Variants in ZNF519 observed in about 807,000 individuals in gnomAD.
ZNF519 encodes the protein zinc finger protein 519.
In ZNF519, 7 loss-of-function variants were observed where a neutral mutation model predicts 7.4. The observed-to-expected ratio is 0.94, with a 90% CI of 0.54 to 1.77. ZNF519 has a LOEUF of 1.77. Ranked by LOEUF, ZNF519 falls within the 40% of genes most tolerant of loss-of-function variation. The probability of loss-of-function intolerance (pLI) is 0.00; values close to 1 mark genes in which losing one functional copy is unlikely to be tolerated. For missense variants in ZNF519, 586 were observed against 623.1 expected, an observed-to-expected ratio of 0.94 and a Z score of 0.63; for synonymous variants, 179 against 203.3, an observed-to-expected ratio of 0.88 and a Z score of 1.02.
intron 2 of ZNF519, among the ~76,000 whole-genome samples, chr18:14,116,582 T>A (rs762437467): frequency 2.0e-5 from 3 of 152,238 alleles, no homozygotes; most frequent in Non-Finnish European, 4.4e-5. Flanking sequence ...CTTCAATAAA[T>A]GGTGTTGGAA....
rs758885474 is a variant in ZNF519, at chr18:14,105,201, G to A, written c.1339C>T (p.Leu447Phe). ...CGKAFNRGSH[L>F]TRHQRIHTGE... ...GTATGGATTCTTTGATGTCGAGTAA[G>A]GTGTGAGCCCCTGTTAAAGGCTTTG... is the stretch of plus-strand genomic sequence containing the variant. The change falls in exon 3 of 3, where the codon CTT becomes TTT. Residue 447 changes from leucine to phenylalanine, a missense_variant. Leu to Phe is a conservative substitution (Grantham distance 22). Coordinates refer to ENST00000590202, the MANE Select transcript of ZNF519 (RefSeq NM_145287.4). The A allele has an allele frequency of 3.2e-6, 5 of 1,571,638 alleles. No homozygotes were observed. The Admixed American group carries it at 8.5e-5, about 27-fold the overall frequency.
At position 14,105,363 on chromosome 18, in the gene ZNF519, G is replaced by C. The variant is rs372308496; in HGVS notation, c.1177C>G (p.Gln393Glu). ...KAFNRSSYVT[Q>E]HQRMHTGEKP... ...TCTCCAGTATGCATTCTCTGATGCT[G>C]AGTAACGTATGAGCTTCTATTAAAG... The change falls in exon 3 of 3, where the codon CAG (glutamine) becomes GAG (glutamate). Residue 393 changes from glutamine to glutamate, a missense_variant. Physicochemically the swap from Gln to Glu is conservative, Grantham distance 29. Coordinates refer to ENST00000590202, the MANE Select transcript of ZNF519 (RefSeq NM_145287.4). 4.7e-5 allele frequency: 76 copies of C among 1,613,878 alleles called. No homozygotes were observed. Among genetic ancestry groups the C allele is most frequent in the Non-Finnish European group, 6.2e-5 (73 of 1,179,996 alleles).
At position 14,121,072 on chromosome 18, in the gene ZNF519, A is replaced by T. The variant is rs189493092; in HGVS notation, c.130+3278T>A. On this transcript the variant is annotated intron_variant, in intron 2 of 2. Coordinates refer to ENST00000590202, the MANE Select transcript of ZNF519 (RefSeq NM_145287.4). The stretch of plus-strand genomic sequence containing the variant: ...TGGAGGACATTATGCTAAATGAAAT[A>T]AGGCAAACACAGAAAGACAAACTGT... 2.0e-5 allele frequency among the ~76,000 whole-genome samples: 3 copies of T among 152,202 alleles called. No homozygotes were observed. The East Asian group carries it at 5.8e-4, about 29-fold the overall frequency.
At chr18:14,125,145 T>G (rs1357799145) in intron 1 of ZNF519, among the ~76,000 whole-genome samples, 1 of 152,120 alleles carries the variant, frequency 6.6e-6, no homozygotes, top group African/African-American at 2.4e-5. Context: ...ACACACAGAA[T>G]CCCTTATCCC....
chr18:14,097,003 A>G (rs1316512553), downstream of ZNF519, among the ~76,000 whole-genome samples: 2 of 152,164 alleles, frequency 1.3e-5, no homozygotes, highest in African/African-American at 4.8e-5. Flanking sequence ...CTCTGCTTAT[A>G]TACGAGTTGA....
chr18:14,098,825 G>C (rs1271601299), downstream of ZNF519, among the ~76,000 whole-genome samples: 2 of 152,136 alleles, frequency 1.3e-5, no homozygotes, highest in Non-Finnish European at 2.9e-5. Context: ...GTGTTCTATA[G>C]AGCATCTTCT....
Position 14,092,359 on chromosome 18 carries a change from G to C in ZNF519, c.131-7283C>G, listed in dbSNP as rs559471848. ...GAAATTGGAATGAGCTTGTTTGGGA[G>C]AAGACTTTAGACAGAGACCCTGATA... On this transcript the variant is annotated intron_variant and NMD_transcript_variant, in intron 2 of 4. Transcript: ENST00000587419. Among the ~76,000 whole-genome samples, 148 of 152,276 alleles carry C rather than the reference G, an allele frequency of 9.7e-4. 2 individuals carry two copies. Among genetic ancestry groups the C allele is most frequent in the African/African-American group, 3.5e-3 (147 of 41,534 alleles).
chr18:14,071,725 T>C (rs1309208244), downstream of ZNF519: 3 of 152,218 alleles, frequency 2.0e-5, no homozygotes, highest in Non-Finnish European at 4.4e-5. Context: ...TTCTATGATA[T>C]GACCTGTATT....
chr18:14,119,433 C>A (rs184462628), intron 2 of ZNF519, among the ~76,000 whole-genome samples: 4 of 152,250 alleles, frequency 2.6e-5, no homozygotes, highest in Non-Finnish European at 5.9e-5. Context: ...TAACATATTA[C>A]TGAAAGTTTG....
intron 2 of ZNF519, among the ~76,000 whole-genome samples, chr18:14,091,604 G>T (rs1195167084): frequency 3.9e-5 from 6 of 152,128 alleles, no homozygotes; most frequent in African/African-American, 1.2e-4. Context: ...AGACTCGAAA[G>T]TCCTTGTCCT....
At position 14,104,842 on chromosome 18, in the gene ZNF519, A is replaced by G. The variant is rs532301787; in HGVS notation, c.*75T>C. On this transcript the variant is annotated 3_prime_UTR_variant, in exon 3 of 3. Transcript: ENST00000590202. ...TACACATATGGGATTTCTATCCAGT[A>G]TTGATTTTCTAATGTTGAGTAAGGT... The G allele has an allele frequency of 4.9e-4, 683 of 1,400,130 alleles. 1 individual carries two copies. The highest frequency in any genetic ancestry group is 6.1e-4 in the Non-Finnish European group (642 of 1,052,750). The allele number at this position is 1,400,130 out of a possible 1,614,324, so 86.7% of individuals were successfully genotyped here.
chr18:14,127,626 T>A (rs2046307143), intron 1 of ZNF519, among the ~76,000 whole-genome samples: 1 of 152,050 alleles, frequency 6.6e-6, no homozygotes, highest in South Asian at 2.1e-4. Context: ...GGAGTTGAAG[T>A]TTTCAGGTTT....
At chr18:14,076,426 C>G (rs1432144034) in exon 5 of ZNF519, 1 of 151,956 alleles carries the variant, frequency 6.6e-6, no homozygotes, top group East Asian at 1.9e-4. Flanking sequence ...TCATCATAAC[C>G]AAGAAATAGG....
At chr18:14,127,596 T>C (rs1183324345) in intron 1 of ZNF519, among the ~76,000 whole-genome samples, 1 of 152,152 alleles carries the variant, frequency 6.6e-6, no homozygotes, top group African/African-American at 2.4e-5. Context: ...TGTGGGCATT[T>C]GGGCAAGGGG....
chr18:14,110,417 A>C (rs1362002423), intron 2 of ZNF519, among the ~76,000 whole-genome samples: 1 of 152,204 alleles, frequency 6.6e-6, no homozygotes. Context: ...GACAACCCAC[A>C]GAGTAGCAGA....
At position 14,101,360 on chromosome 18, in the gene ZNF519, A is replaced by G. The variant is rs1402378038; in HGVS notation, c.*3557T>C. The G allele has an allele frequency of 4.5e-6, 1 of 220,384 alleles. No individual in the cohort carries two copies. The highest frequency in any genetic ancestry group is 8.8e-6 in the Non-Finnish European group (1 of 113,152). The allele number at this position is 220,384 out of a possible 1,614,324, so 13.7% of individuals were successfully genotyped here. ...CACTCAGAGGGATAAAGGGGGGCCA[A>G]TTAAAACAATGAGCCCTAGCAAATG... On this transcript the variant is annotated 3_prime_UTR_variant, in exon 3 of 3. Transcript: ENST00000590202.
chr18:14,086,406 G>A (rs997006619), intron 2 of ZNF519, among the ~76,000 whole-genome samples: 4 of 152,210 alleles, frequency 2.6e-5, no homozygotes, highest in African/African-American at 7.2e-5. Flanking sequence ...CCTGCGCTGC[G>A]CTGGCCTCAG....
Position 14,110,338 on chromosome 18 carries a change from T to C in ZNF519, c.131-3929A>G, listed in dbSNP as rs745850820. Among the ~76,000 whole-genome samples the C allele has an allele frequency of 6.6e-4, 101 of 152,022 alleles. 1 individual carries two copies. Among genetic ancestry groups the C allele is most frequent in the Non-Finnish European group, 9.0e-4 (61 of 67,976 alleles). On this transcript the variant is annotated intron_variant, in intron 2 of 2. Transcript: ENST00000590202. ...AAAGCAAATGCAACAAAAACAAACATAAACAAATGGGACCTTATTAAACTA... is the reference window on the plus strand; with the variant it reads ...AAAGCAAATGCAACAAAAACAAACACAAACAAATGGGACCTTATTAAACTA...
At chr18:14,129,553 T>A (rs1262932262) in intron 1 of ZNF519, among the ~76,000 whole-genome samples, 1 of 152,072 alleles carries the variant, frequency 6.6e-6, no homozygotes, top group Non-Finnish European at 1.5e-5. Context: ...AAGCCTCACT[T>A]CCCTCAGACA....
Sources: gnomAD v4.1 joint callset for allele counts (sites outside exome capture counted in the v4.1 genomes callset) on GRCh38, gnomAD v4.1.1 for gene constraint, MANE v1.5 for transcripts, NCBI Gene and HGNC (gene_info 2026-07-23, HGNC 2026-07-21) for gene names.